The following TPGS1 variants were observed in gnomAD, a reference collection of about 807,000 sequenced individuals.
TPGS1 encodes the protein tubulin polyglutamylase complex subunit 1, also known as gene trap ROSA b-geo 22.
A neutral mutation model predicts 11.9 loss-of-function variants in TPGS1; 18 were observed. The observed-to-expected ratio is 1.51, with a 90% confidence interval of 1.04 to 2.24. TPGS1 has a LOEUF of 2.24. TPGS1 is among the 30% of genes most tolerant of loss of function. The probability of loss-of-function intolerance (pLI) is 0.00; values close to 1 mark genes in which losing one functional copy is unlikely to be tolerated. For synonymous variants in TPGS1, 247 were observed against 218.2 expected, an observed-to-expected ratio of 1.13 and a Z score of -1.16; for missense variants, 500 against 443.0, an observed-to-expected ratio of 1.13 and a Z score of -1.16.
intron 1 of TPGS1, among the ~76,000 whole-genome samples, chr19:512,736 C>T (rs1286173425): frequency 6.6e-6 from 1 of 152,272 alleles, no homozygotes; most frequent in Admixed American, 6.5e-5. Flanking sequence ...CCGGGGTTCA[C>T]GGCCTGGTGC....
chr19:512,287 C>G (rs569894755), intron 1 of TPGS1, among the ~76,000 whole-genome samples: 1 of 152,326 alleles, frequency 6.6e-6, no homozygotes, highest in East Asian at 1.9e-4. Context: ...CCTCAGCCTC[C>G]CAAGTACCCG....
Position 519,110 on chromosome 19 carries a change from C to T in TPGS1, c.560C>T (p.Thr187Ile), listed in dbSNP as rs1979065649. 1 of 1,531,926 alleles carries T rather than the reference C, an allele frequency of 6.5e-7. No individual in the cohort carries two copies. The highest frequency in any genetic ancestry group is 8.7e-7 in the Non-Finnish European group (1 of 1,145,994). The allele number at this position is 1,531,926 out of a possible 1,614,324, so 94.9% of individuals were successfully genotyped here. Residue 187 changes from threonine to isoleucine, a missense_variant, in exon 2 of 2, where the codon ACC becomes ATC. Transcript: ENST00000359315. ...AGCGTCTTCCGCGCGGGCACACTCA[C>T]CTGCTTCGTGCTGCTGGAGTTCGTG... ...PLSVFRAGTL[T>I]CFVLLEFVAR...
Position 519,324 on chromosome 19 carries a change from C to T in TPGS1, c.774C>T (p.Arg258=), listed in dbSNP as rs564681989. The change falls in exon 2 of 2, where the codon CGC becomes CGT. Residue 258 remains arginine (R), a synonymous_variant. Transcript: ENST00000359315. Reference sequence around the variant, plus strand: ...ACAGCCTGGCGCTGGCGCTGGACCGCGCCGTCGGGGGGCGGCGGCCCAGCG... The same window carrying T: ...ACAGCCTGGCGCTGGCGCTGGACCGTGCCGTCGGGGGGCGGCGGCCCAGCG... ...GPDSLALALD[R]AVGGRRPSAP... 2,912 of 1,192,090 alleles carry T rather than the reference C, an allele frequency of 2.4e-3. 67 individuals are homozygous for T. In the African/African-American group the frequency reaches 0.042, roughly 17 times the overall value. The allele number at this position is 1,192,090 out of a possible 1,614,324, so 73.8% of individuals were successfully genotyped here. A position where few individuals can be genotyped will look rare whatever the true frequency, so the allele number is the denominator to read the frequency against.
intron 1 of TPGS1, among the ~76,000 whole-genome samples, chr19:510,792 A>G (rs1186689146): frequency 6.6e-6 from 1 of 152,170 alleles, no homozygotes; most frequent in East Asian, 1.9e-4. Flanking sequence ...CTGCCAGGAA[A>G]ACGTGCACGA....
At chr19:510,845 G>C (rs187216534) in intron 1 of TPGS1, among the ~76,000 whole-genome samples, 169 of 152,328 alleles carry the variant, frequency 1.1e-3, no homozygotes, top group African/African-American at 3.9e-3. Context: ...CCCCCGACTC[G>C]TCCTCTGGGG....
chr19:507,858 C>A lies in TPGS1; in HGVS notation c.338+14C>A, dbSNP rs1978671036. The A allele has an allele frequency of 1.5e-6, 2 of 1,313,886 alleles. No homozygotes were observed. The highest frequency in any genetic ancestry group is 2.0e-5 in the South Asian group (1 of 49,124). 81.4% of individuals were successfully genotyped at this position (1,313,886 alleles called of 1,614,324 possible). A position where few individuals can be genotyped will look rare whatever the true frequency, so the allele number is the denominator to read the frequency against. On this transcript the variant is annotated intron_variant, in intron 1 of 1. Transcript: ENST00000359315. Reference sequence around the variant, plus strand: ...CCACTCCCAGAGGTGCGCAGTGGGCCGGCTTGGGCGGGTGGGGCAGCGATG... The same window carrying A: ...CCACTCCCAGAGGTGCGCAGTGGGCAGGCTTGGGCGGGTGGGGCAGCGATG...
At chr19:513,377 T>C (rs889261650) in intron 1 of TPGS1, among the ~76,000 whole-genome samples, 1 of 152,254 alleles carries the variant, frequency 6.6e-6, no homozygotes, top group East Asian at 1.9e-4. Flanking sequence ...AGAGTTGAAT[T>C]GCAGGTCGCT....
intron 1 of TPGS1, among the ~76,000 whole-genome samples, chr19:510,622 C>G (rs79435700): frequency 0.011 from 1,605 of 152,282 alleles, 13 homozygotes; most frequent in African/African-American, 0.031. Context: ...TCCAAGGCCC[C>G]CTGGAGCACA....
chr19:510,326 T>G (rs4919836), intron 1 of TPGS1: 57,321 of 150,870 alleles, frequency 0.38, 11,314 homozygotes, highest in Admixed American at 0.47. Context: ...TGAGCCGAGA[T>G]CGCGCCACTG....
intron 1 of TPGS1, chr19:509,326 G>A (rs79777104): frequency 0.057 from 8,708 of 152,326 alleles, 339 homozygotes; most frequent in East Asian, 0.22. Flanking sequence ...GGCCCACCAC[G>A]TATGGTTGTT....
rs1979055933 is a variant in TPGS1 at position 518,915 on chromosome 19, T to A, written c.365T>A (p.Val122Glu). 6.4e-7 allele frequency: 1 copy of A among 1,563,042 alleles called. No homozygotes were observed. Among genetic ancestry groups the A allele is most frequent in the African/African-American group, 1.4e-5 (1 of 72,474 alleles). The change falls in exon 2 of 2, where the codon GTG becomes GAG. Residue 122 changes from valine (V) to glutamate (E), a missense_variant. Physicochemically the swap from Val to Glu is moderately radical, Grantham distance 121 (BLOSUM62 -2). Transcript: ENST00000359315. ...GCCGCCTTCAACAACAACGTGAGCG[T>A]GGCCTACGAGTGCCTGAGCGCCGGC... The part of the protein sequence containing the change: ...QRAAFNNNVS[V>E]AYECLSAGGR...
intron 1 of TPGS1, among the ~76,000 whole-genome samples, chr19:511,267 T>TGATTCTGCTGGGAGCC (rs1213383360): frequency 6.6e-5 from 10 of 152,310 alleles, no homozygotes; most frequent in African/African-American, 2.4e-4. Flanking sequence ...CCTCACCCGA[T>TGATTCTGCTGGGAGCC]GATTCTGCTG....
At chr19:507,977 T>C (rs529710445) in intron 1 of TPGS1, 133 bp downstream of exon 1, 12 of 644,638 alleles carry the variant, frequency 1.9e-5, no homozygotes, top group East Asian at 3.5e-5. Context: ...CGCGATGCCT[T>C]CTTGGGTGGG....
chr19:509,897 G>A (rs11085081), intron 1 of TPGS1: 28,260 of 152,468 alleles, frequency 0.19, 3,437 homozygotes, highest in Middle Eastern at 0.32. Context: ...CCCTGGGCTC[G>A]CCTGGGCTCC....
chr19:518,809 C>T (rs1012107354), intron 1 of TPGS1, 80 bp from the exon 2 acceptor site: 14 of 1,367,564 alleles, frequency 1.0e-5, no homozygotes, highest in African/African-American at 3.4e-5. Context: ...GAGGCTAGGG[C>T]ATAGGCCTGG....
chr19:516,672 C>T (rs1267878818), intron 1 of TPGS1, among the ~76,000 whole-genome samples: 6 of 152,190 alleles, frequency 3.9e-5, no homozygotes, highest in South Asian at 2.1e-4. Flanking sequence ...CGTGAGCCAC[C>T]GTGCCTGGCC....
At chr19:513,834 C>T (rs1011624474) in intron 1 of TPGS1, among the ~76,000 whole-genome samples, 1 of 151,338 alleles carries the variant, frequency 6.6e-6, no homozygotes, top group African/African-American at 2.4e-5. Flanking sequence ...ACTGGCCCCA[C>T]ATTTACTGAG....
chr19:507,767 C>A lies in TPGS1; in HGVS notation c.261C>A (p.Pro87=). The change falls in exon 1 of 2, where the codon CCC becomes CCA. Residue 87 remains proline (P), a synonymous_variant. Coordinates refer to ENST00000359315, the MANE Select transcript of TPGS1 (RefSeq NM_033513.3). ...CTGTAAACGGCGGCGCCGGGGAGCCCCCGGGCCAGCTCCTGCTGCAGCAGC... is the reference window on the plus strand; with the variant it reads ...CTGTAAACGGCGGCGCCGGGGAGCCACCGGGCCAGCTCCTGCTGCAGCAGC... ...RSPVNGGAGE[P]PGQLLLQQQR... is the part of the protein sequence containing the mutation. The A allele has an allele frequency of 7.2e-7, 1 of 1,392,560 alleles. No individual in the cohort carries two copies. The allele number at this position is 1,392,560 out of a possible 1,614,324, so 86.3% of individuals were successfully genotyped here.
intron 1 of TPGS1, among the ~76,000 whole-genome samples, chr19:510,724 C>G (rs1978769629): frequency 6.6e-6 from 1 of 152,230 alleles, no homozygotes; most frequent in African/African-American, 2.4e-5. Flanking sequence ...CCGGAGGCCT[C>G]CTCAGCCACC....
Sources: gnomAD v4.1 joint callset for allele counts (sites outside exome capture counted in the v4.1 genomes callset) on GRCh38, gnomAD v4.1.1 for gene constraint, MANE v1.5 for transcripts, NCBI Gene and HGNC (gene_info 2026-07-23, HGNC 2026-07-21) for gene names.